Variants in MYRF observed in about 807,000 individuals in gnomAD.
MYRF encodes myelin gene regulatory factor.
MYRF carries 16 observed loss-of-function variants against 126.3 expected under a neutral mutation model. The ratio of observed to expected loss-of-function variants is 0.13; its 90% CI spans 0.09 to 0.19. The LOEUF (loss-of-function observed/expected upper bound fraction) is 0.19, where lower values mean the gene tolerates loss of function less well. Ranked by LOEUF, MYRF falls within the 10% of genes least tolerant of loss-of-function variation. The pLI is 1.00. For missense variants in MYRF, 1,104 were observed against 1,547.0 expected (o/e 0.71, Z 4.80); for synonymous variants, 608 against 635.3 (o/e 0.96, Z 0.65).
chr11:61,776,674 CG>C lies in MYRF; in HGVS notation c.1500-110del. The C allele has an allele frequency of 1.1e-6, 1 of 900,792 alleles. No individual in the cohort carries two copies. The highest frequency in any genetic ancestry group is 1.7e-6 in the Non-Finnish European group (1 of 597,928). The allele number at this position is 900,792 out of a possible 1,614,324, so 55.8% of individuals were successfully genotyped here. ...GAATTTCTGCCCCCTGGTGGAGGCT[CG>C]GGTTCCTCCTCTGTAGGAGGGGGTG... On this transcript the variant is annotated intron_variant, in intron 10 of 26. Coordinates refer to ENST00000278836, the MANE Select transcript of MYRF (RefSeq NM_001127392.3). The surrounding 1 kb of genome is among the most constrained non-coding windows in gnomAD (Gnocchi z 4.3).
chr11:61,752,998 C>T (rs1025882406), intron 1 of MYRF, among the ~76,000 whole-genome samples: 2 of 152,076 alleles, frequency 1.3e-5, no homozygotes, highest in Non-Finnish European at 2.9e-5. Flanking sequence ...GCTCCCCCTC[C>T]CCGCTCCTCA....
At chr11:61,770,222 C>T in intron 4 of MYRF, 24 bp from the exon 5 acceptor site, 1 of 1,566,572 alleles carries the variant, frequency 6.4e-7, no homozygotes, top group Non-Finnish European at 8.6e-7. Flanking sequence ...GTCTCAGATG[C>T]CCGCTCCCCC....
At position 61,766,006 on chromosome 11, in the gene MYRF, C is replaced by A; in HGVS notation, c.183C>A (p.His61Gln). The A allele has an allele frequency of 7.6e-6, 12 of 1,579,842 alleles. No homozygotes were observed. The highest frequency in any genetic ancestry group is 7.7e-6 in the Non-Finnish European group (9 of 1,165,198). The change falls in exon 3 of 27, where the codon CAC (histidine) becomes CAA (glutamine). Residue 61 changes from histidine to glutamine, a missense_variant. This residue lies in a region of MYRF where 368 missense variants were observed against 403.9 expected (regional missense o/e 0.91). Coordinates refer to ENST00000278836, the MANE Select transcript of MYRF (RefSeq NM_001127392.3). ...CAGCCAGCTCGGCCTCCTACTCCCA[C>A]GGGCAGCCTGCGATGCCTGGCTCCA... ...SAPASSASYS[H>Q]GQPAMPGSSG...
At chr11:61,781,429 G>A (rs1038050626) in intron 21 of MYRF, 100 bp downstream of exon 21, 13 of 1,544,458 alleles carry the variant, frequency 8.4e-6, no homozygotes, top group East Asian at 4.5e-5. Context: ...AGCCTAGAAC[G>A]AGGCTCTGGA....
At chr11:61,775,641 G>A (rs984018135) in intron 8 of MYRF, among the ~76,000 whole-genome samples, 39 of 152,184 alleles carry the variant, frequency 2.6e-4, no homozygotes, top group African/African-American at 9.2e-4. Context: ...GGGCCTAGGT[G>A]CAAGTGGATG....
At chr11:61,771,442 C>A in intron 5 of MYRF, 58 bp from the exon 6 acceptor site, 2 of 1,572,850 alleles carry the variant, frequency 1.3e-6, no homozygotes, top group Non-Finnish European at 8.6e-7. Context: ...TGGATACTAC[C>A]CAGTGGGAGG....
chr11:61,769,239 C>T (rs1453154930), intron 3 of MYRF, 21 bp from the exon 4 acceptor site: 1 of 1,543,092 alleles, frequency 6.5e-7, no homozygotes, highest in Admixed American at 1.8e-5. Flanking sequence ...ACCCCCCGGC[C>T]CCTTCCCCTG....
intron 2 of MYRF, 74 bp downstream of exon 2, chr11:61,765,786 C>T: frequency 2.0e-6 from 3 of 1,497,922 alleles, no homozygotes; most frequent in South Asian, 2.4e-5. Context: ...CCAGGGAGGT[C>T]TGAGGGCCGG....
intron 4 of MYRF, 71 bp from the exon 5 acceptor site, chr11:61,770,174 CT>C: frequency 7.1e-7 from 1 of 1,415,830 alleles, no homozygotes; most frequent in South Asian, 1.4e-5. Flanking sequence ...GAGACTCTGC[CT>C]TGGGGAGGAC....
At position 61,783,816 on chromosome 11, in the gene MYRF, A is replaced by G; in HGVS notation, c.3120-35A>G. On this transcript the variant is annotated intron_variant, in intron 23 of 26. Coordinates refer to ENST00000278836, the MANE Select transcript of MYRF (RefSeq NM_001127392.3). This position sits in a 1 kb window ranked among gnomAD's most constrained non-coding sequence, Gnocchi z 4.6. The stretch of plus-strand genomic sequence containing the variant: ...TGGTGGGGGTGGGGGGTGGCAGGGT[A>G]CCCTCAGGCTAAGGTGCCAGTTTTG... 2 of 1,563,516 alleles carry G rather than the reference A, an allele frequency of 1.3e-6. No homozygotes were observed. The highest frequency in any genetic ancestry group is 1.7e-6 in the Non-Finnish European group (2 of 1,152,410).
chr11:61,785,739 A>C, intron 25 of MYRF, 61 bp from the exon 26 acceptor site: 2 of 1,418,670 alleles, frequency 1.4e-6, no homozygotes, highest in Non-Finnish European at 2.0e-6. Context: ...GGCCGTGGTG[A>C]GAGATGCTGG....
Position 61,758,481 on chromosome 11 carries a change from C to T in MYRF, c.46+5691C>T, listed in dbSNP as rs191891076. Among the ~76,000 whole-genome samples, 37 of 151,796 alleles carry T rather than the reference C, an allele frequency of 2.4e-4. No individual in the cohort carries two copies. The East Asian group carries it at 6.1e-3, about 25-fold the overall frequency. On this transcript the variant is annotated intron_variant, in intron 1 of 26. Coordinates refer to ENST00000278836, the MANE Select transcript of MYRF (RefSeq NM_001127392.3). ...TGCTTAGGGAGGGTCTGACAGCAGG[C>T]GGGGAGGGGGCTTGGAGGGAAGAAG...
chr11:61,757,081 A>G lies in MYRF; in HGVS notation c.46+4291A>G, dbSNP rs536423122. 2.0e-4 allele frequency: 86 copies of G among 436,122 alleles called. 3 individuals are homozygous for G. Among genetic ancestry groups the G allele is most frequent in the South Asian group, 1.2e-3 (79 of 63,838 alleles). The allele number at this position is 436,122 out of a possible 1,614,324, so 27.0% of individuals were successfully genotyped here. On this transcript the variant is annotated intron_variant, in intron 1 of 26. Coordinates refer to ENST00000278836, the MANE Select transcript of MYRF (RefSeq NM_001127392.3). This position sits in a 1 kb window ranked among gnomAD's most constrained non-coding sequence, Gnocchi z 4.7. ...CCGCCCTACCCAGGCAGCCTGCCTT[A>G]CCTTCCCACCTTCCTCTTCACGGAC...
In MYRF at chr11:61,771,629, T is replaced by G; in HGVS notation, c.870T>G (p.Thr290=). Residue 290 remains threonine, a synonymous_variant, in exon 6 of 27, where the codon ACT becomes ACG. Transcript: ENST00000278836. The part of the protein sequence containing the change: ...GTVTALPLHP[T]RAPSPPWPPQ... ...TGACAGCCCTGCCTCTGCACCCCACTCGAGCCCCATCGCCACCCTGGCCTC... is the reference window on the plus strand; with the variant it reads ...TGACAGCCCTGCCTCTGCACCCCACGCGAGCCCCATCGCCACCCTGGCCTC... The G allele has an allele frequency of 6.2e-7, 1 of 1,613,758 alleles. No individual in the cohort carries two copies. Among genetic ancestry groups the G allele is most frequent in the Non-Finnish European group, 8.5e-7 (1 of 1,179,956 alleles).
chr11:61,755,548 G>T, intron 1 of MYRF: 1 of 1,389,824 alleles, frequency 7.2e-7, no homozygotes, highest in Non-Finnish European at 1.0e-6. Context: ...TCTGGTGCAG[G>T]CTGGACCACT....
At chr11:61,756,906 C>G (rs964194152) in intron 1 of MYRF, among the ~76,000 whole-genome samples, 2 of 152,078 alleles carry the variant, frequency 1.3e-5, no homozygotes, top group Non-Finnish European at 2.9e-5. Context: ...TACCAACTCC[C>G]AAGGGGTTAC....
intron 1 of MYRF, among the ~76,000 whole-genome samples, chr11:61,761,730 A>G (rs1035086783): frequency 4.7e-4 from 72 of 152,276 alleles, no homozygotes; most frequent in African/African-American, 1.7e-3. Flanking sequence ...CAGCGCTCAT[A>G]GCCCAGTGCC....
intron 7 of MYRF, among the ~76,000 whole-genome samples, chr11:61,773,379 G>C (rs1277918785): frequency 6.6e-6 from 1 of 152,338 alleles, no homozygotes; most frequent in Middle Eastern, 3.4e-3. Context: ...CTGAGGCTGA[G>C]TCTGAGGGAG....
chr11:61,777,177 G>A lies in MYRF; in HGVS notation c.1591-87G>A, dbSNP rs1307339276. The A allele has an allele frequency of 6.5e-6, 9 of 1,376,584 alleles. No individual in the cohort carries two copies. The East Asian group carries it at 2.1e-4, about 32-fold the overall frequency. 85.3% of individuals were successfully genotyped at this position (1,376,584 alleles called of 1,614,324 possible). A position where few individuals can be genotyped will look rare whatever the true frequency, so the allele number is the denominator to read the frequency against. Reference sequence around the variant, plus strand: ...GAGAAACCCTGGCTGGAAGGGGAGGGGCTGCTGTGGAGTTTCCCCCTGCTC... The same window carrying A: ...GAGAAACCCTGGCTGGAAGGGGAGGAGCTGCTGTGGAGTTTCCCCCTGCTC... On this transcript the variant is annotated intron_variant, in intron 11 of 26. Transcript: ENST00000278836. This position sits in a 1 kb window ranked among gnomAD's most constrained non-coding sequence, Gnocchi z 8.8.
Sources: allele counts gnomAD v4.1 joint callset (sites outside exome capture counted in the v4.1 genomes callset), GRCh38; gene constraint gnomAD v4.1.1; regional missense constraint gnomAD v4.1.1; non-coding constraint Gnocchi (gnomAD v3.1); transcripts MANE v1.5; gene names NCBI Gene and HGNC (gene_info 2026-07-23, HGNC 2026-07-21).